The following PBX3 variants were observed in gnomAD, a reference collection of about 807,000 sequenced individuals.
The protein encoded by PBX3 is PBX homeobox 3.
Under a neutral mutation model 48.5 loss-of-function variants are expected in PBX3, and 14 were observed. The observed-to-expected ratio is 0.29, with a 90% CI of 0.19 to 0.45. PBX3 has a LOEUF of 0.45. Ranked by LOEUF, PBX3 falls within the 20% of genes least tolerant of loss-of-function variation. The pLI is 1.00. For missense variants in PBX3, 386 were observed against 546.7 expected (o/e 0.71, Z 2.93); for synonymous variants, 210 against 200.3 (o/e 1.05, Z -0.41).
chr9:125,795,526 G>A (rs1250105166), intron 2 of PBX3, among the ~76,000 whole-genome samples: 5 of 152,080 alleles, frequency 3.3e-5, no homozygotes, highest in African/African-American at 1.2e-4. Flanking sequence ...GGTTCTCAGG[G>A]TCTGGTATGT....
Position 125,929,703 on chromosome 9 carries a change from A to G in PBX3, c.565A>G (p.Ser189Gly), listed in dbSNP as rs1564178028. The stretch of plus-strand genomic sequence containing the variant: ...TGTGATGAACCTTCTCCGAGAACAG[A>G]GTAGAACACGTCCCATTTCTCCAAA... The part of the protein sequence containing the change: ...THVMNLLREQ[S>G]RTRPISPKEI... The change falls in exon 4 of 9, where the codon AGT becomes GGT. Residue 189 changes from serine (S) to glycine (G), a missense_variant. Coordinates refer to ENST00000373489, the MANE Select transcript of PBX3 (RefSeq NM_006195.6). 6.2e-7 allele frequency: 1 copy of G among 1,613,872 alleles called. No individual in the cohort carries two copies. The highest frequency in any genetic ancestry group is 8.5e-7 in the Non-Finnish European group (1 of 1,179,920).
intron 2 of PBX3, among the ~76,000 whole-genome samples, chr9:125,806,909 C>T (rs1838141398): frequency 6.6e-6 from 1 of 152,156 alleles, no homozygotes. Flanking sequence ...AGATCACTCA[C>T]AGAAAGTTTT....
At chr9:125,949,353 C>T (rs1335246019) in intron 5 of PBX3, 2 of 1,550,292 alleles carry the variant, frequency 1.3e-6, no homozygotes, top group East Asian at 4.9e-5. Flanking sequence ...TCCATTCAAC[C>T]TACATTTTCT....
At chr9:125,755,672 GTTT>G (rs11310993) in intron 2 of PBX3, among the ~76,000 whole-genome samples, 1 of 95,232 alleles carries the variant, frequency 1.1e-5, no homozygotes, top group African/African-American at 4.0e-5. Context: ...GAGGAGCTTT[GTTT>G]TTTTTTTTTT....
chr9:125,797,886 G>T (rs544071713), intron 2 of PBX3, among the ~76,000 whole-genome samples: 2 of 152,192 alleles, frequency 1.3e-5, no homozygotes, highest in East Asian at 3.9e-4. Flanking sequence ...ACAATAGCAA[G>T]AAAGTTTGTG....
intron 2 of PBX3, among the ~76,000 whole-genome samples, chr9:125,753,974 A>T (rs1399684580): frequency 6.6e-6 from 1 of 152,046 alleles, no homozygotes; most frequent in African/African-American, 2.4e-5. Flanking sequence ...ATGGTATAGG[A>T]TGAAGTTACA....
At chr9:125,832,183 T>C (rs904278916) in intron 2 of PBX3, among the ~76,000 whole-genome samples, 1 of 148,072 alleles carries the variant, frequency 6.8e-6, no homozygotes, top group Non-Finnish European at 1.5e-5. Context: ...TATAAATATA[T>C]ACTGGTTTTC....
chr9:125,887,402 C>A (rs1432914422), intron 2 of PBX3, among the ~76,000 whole-genome samples: 1 of 152,184 alleles, frequency 6.6e-6, no homozygotes. Context: ...CTATGCTAAT[C>A]ATTTGTTAGA....
intron 2 of PBX3, among the ~76,000 whole-genome samples, chr9:125,794,161 C>T (rs527403337): frequency 2.6e-5 from 4 of 151,986 alleles, no homozygotes; most frequent in South Asian, 2.1e-4. Flanking sequence ...TATGGAAATG[C>T]GGGAGTTGAT....
chr9:125,775,742 A>G lies in PBX3; in HGVS notation c.274+27119A>G, dbSNP rs1182061695. Among the ~76,000 whole-genome samples the G allele has an allele frequency of 2.0e-5, 3 of 152,178 alleles. No homozygotes were observed. The East Asian group carries it at 5.8e-4, about 29-fold the overall frequency. On this transcript the variant is annotated intron_variant, in intron 2 of 8. Coordinates refer to ENST00000373489, the MANE Select transcript of PBX3 (RefSeq NM_006195.6). ...TAGTTGAGGCCCCTTGCAATTCCAT[A>G]TGATTTTGAGGACTGGCTTTTCTAT...
chr9:125,842,398 A>ATT lies in PBX3; in HGVS notation c.275-73287_275-73286insTT, dbSNP rs577345023. On this transcript the variant is annotated intron_variant, in intron 2 of 8. Coordinates refer to ENST00000373489, the MANE Select transcript of PBX3 (RefSeq NM_006195.6). ...ATCAGTTTTCTGAACTATTACATGC[A>ATT]TAAAAGAATTCACCCCTTTCCATTC... Among the ~76,000 whole-genome samples, 26 of 152,342 alleles carry ATT rather than the reference A, an allele frequency of 1.7e-4. No homozygotes were observed. In the East Asian group the frequency reaches 4.8e-3, roughly 28 times the overall value.
chr9:125,896,487 C>T (rs954417690), intron 2 of PBX3, among the ~76,000 whole-genome samples: 5 of 152,018 alleles, frequency 3.3e-5, no homozygotes, highest in African/African-American at 7.2e-5. Context: ...TTTTCTTTCC[C>T]GCATATTGTG....
intron 3 of PBX3, among the ~76,000 whole-genome samples, chr9:125,921,916 A>AT (rs1841465851): frequency 6.6e-6 from 1 of 152,180 alleles, no homozygotes; most frequent in Non-Finnish European, 1.5e-5. Context: ...GCTTTTCTTG[A>AT]TGGTTACAAA....
At position 125,960,839 on chromosome 9, in the gene PBX3, A is replaced by G. The variant is rs756631218; in HGVS notation, c.999A>G (p.Thr333=). 1 of 1,613,758 alleles carries G rather than the reference A, an allele frequency of 6.2e-7. No homozygotes were observed. Among genetic ancestry groups the G allele is most frequent in the Non-Finnish European group, 8.5e-7 (1 of 1,179,804 alleles). The change falls in exon 6 of 9, where the codon ACA becomes ACG. Residue 333 remains threonine, a synonymous_variant. Coordinates refer to ENST00000373489, the MANE Select transcript of PBX3 (RefSeq NM_006195.6). ...ACAACCAGACCAATTCGCCCACCAC[A>G]CCAAATTCCGGTGCGTACTGGGGGC... ...VQNNQTNSPT[T]PNSGSSGSFN... is the part of the protein sequence containing the mutation.
chr9:125,833,830 A>G (rs1839039200), intron 2 of PBX3, among the ~76,000 whole-genome samples: 1 of 152,170 alleles, frequency 6.6e-6, no homozygotes, highest in Admixed American at 6.5e-5. Context: ...TTTTGTGTAG[A>G]CATATATTTT....
rs562159411 is a variant in PBX3, at chr9:125,888,299, T to C, written c.275-27387T>C. Among the ~76,000 whole-genome samples, 4 of 152,296 alleles carry C rather than the reference T, an allele frequency of 2.6e-5. No homozygotes were observed. In the East Asian group the frequency reaches 7.7e-4, roughly 29 times the overall value. On this transcript the variant is annotated intron_variant, in intron 2 of 8. Coordinates refer to ENST00000373489, the MANE Select transcript of PBX3 (RefSeq NM_006195.6). ...CTCTTCTGTCGTGTAGTGTACTGAA[T>C]TATTTTCAGTTATTGTACCTATATT...
intron 2 of PBX3, among the ~76,000 whole-genome samples, chr9:125,767,470 A>G (rs1299321788): frequency 6.6e-6 from 1 of 152,172 alleles, no homozygotes; most frequent in Non-Finnish European, 1.5e-5. Flanking sequence ...TGTTCATACC[A>G]CCATTCACAG....
At position 125,780,022 on chromosome 9, in the gene PBX3, C is replaced by T. The variant is rs1164827342; in HGVS notation, c.274+31399C>T. Among the ~76,000 whole-genome samples, 4 of 135,940 alleles carry T rather than the reference C, an allele frequency of 2.9e-5. 1 individual carries two copies. Among genetic ancestry groups the T allele is most frequent in the South Asian group, 4.8e-4 (2 of 4,172 alleles). 89.2% of individuals were successfully genotyped at this position (135,940 alleles called of 152,430 possible). ...CCCAGTAGGGGCAGCCGGGCAGAGG[C>T]GCCCCTCACCTCCCGGACGGGGCGG... On this transcript the variant is annotated intron_variant, in intron 2 of 8. Transcript: ENST00000373489.
At chr9:125,754,896 A>C (rs1216229681) in intron 2 of PBX3, among the ~76,000 whole-genome samples, 1 of 152,124 alleles carries the variant, frequency 6.6e-6, no homozygotes, top group Non-Finnish European at 1.5e-5. Flanking sequence ...ATGGATAAAA[A>C]TAATTGTTAA....
Sources: allele counts gnomAD v4.1 joint callset (sites outside exome capture counted in the v4.1 genomes callset), GRCh38; gene constraint gnomAD v4.1.1; transcripts MANE v1.5; gene names NCBI Gene and HGNC (gene_info 2026-07-23, HGNC 2026-07-21).